ARSH: variants seen among roughly 807,000 people sequenced by gnomAD.
ARSH encodes the protein arylsulfatase family member H, also known as arylsulfatase H.
ARSH carries 32 observed loss-of-function variants against 28.7 expected under a neutral mutation model. The ratio of observed to expected loss-of-function variants is 1.11; its 90% confidence interval spans 0.84 to 1.50. The LOEUF (loss-of-function observed/expected upper bound fraction) is 1.50, where lower values mean the gene tolerates loss of function less well. Ranked by LOEUF, ARSH falls within the 40% of genes most tolerant of loss-of-function variation. The pLI is 0.00. For synonymous variants in ARSH, 176 were observed against 177.3 expected, an observed-to-expected ratio of 0.99 and a Z score of 0.06; for missense variants, 440 against 452.4, an observed-to-expected ratio of 0.97 and a Z score of 0.25.
intron 1 of ARSH, among the ~76,000 whole-genome samples, chrX:3,009,101 A>T (rs1271543540): frequency 3.6e-5 from 4 of 111,519 alleles, no homozygotes; most frequent in African/African-American, 9.8e-5. Flanking sequence ...ATATATATTA[A>T]TGGGAGGCTG....
intron 6 of ARSH, among the ~76,000 whole-genome samples, chrX:3,025,596 T>C (rs2089896936): frequency 9.2e-6 from 1 of 108,307 alleles, no homozygotes; most frequent in African/African-American, 3.3e-5. Flanking sequence ...TTGTGGATAC[T>C]GGATTATATA....
intron 5 of ARSH, among the ~76,000 whole-genome samples, chrX:3,019,043 T>C (rs1287235384): frequency 1.8e-5 from 2 of 111,139 alleles, no homozygotes; most frequent in Non-Finnish European, 3.8e-5. Context: ...GGCTGGCAGA[T>C]CACTTGAGGT....
In ARSH at chrX:3,032,860, G is replaced by T. The variant is rs1375543654; in HGVS notation, c.1322-158G>T. ...CAAGTTTGCAGTGAAATTGTGCATT[G>T]TTCTTAGAGTTGAAGAAATGCTACT... On this transcript the variant is annotated intron_variant, in intron 8 of 8. Coordinates refer to ENST00000381130, the MANE Select transcript of ARSH (RefSeq NM_001011719.2). Among the ~76,000 whole-genome samples, 2 of 112,098 alleles carry T rather than the reference G, an allele frequency of 1.8e-5. No homozygotes were observed. Among genetic ancestry groups the T allele is most frequent in the African/African-American group, 3.2e-5 (1 of 30,862 alleles).
At chrX:3,013,248 G>A (rs768667936) in intron 3 of ARSH, 76 bp downstream of exon 3, 104 of 1,106,730 alleles carry the variant, frequency 9.4e-5, no homozygotes, top group Non-Finnish European at 1.1e-4. Context: ...TGTTTCCGGG[G>A]ATGTTGGCTT....
At chrX:3,020,308 G>A (rs371130859) in intron 5 of ARSH, among the ~76,000 whole-genome samples, 2 of 91,776 alleles carry the variant, frequency 2.2e-5, no homozygotes, top group African/African-American at 9.0e-5. Context: ...AAAAAAAAGA[G>A]GCCGAGTGCG....
chrX:3,006,927 G>A (rs1235293858), intron 1 of ARSH, among the ~76,000 whole-genome samples: 1 of 110,817 alleles, frequency 9.0e-6, no homozygotes, highest in Non-Finnish European at 1.9e-5. Context: ...TTCATTGTTG[G>A]GCAAAATTTA....
At chrX:3,018,917 A>C (rs1240780965) in intron 5 of ARSH, among the ~76,000 whole-genome samples, 1 of 112,042 alleles carries the variant, frequency 8.9e-6, no homozygotes, top group Non-Finnish European at 1.9e-5. Context: ...AAAGACAGCC[A>C]CTTTTCTGAA....
intron 1 of ARSH, among the ~76,000 whole-genome samples, 156 bp from the exon 2 acceptor site, chrX:3,009,874 A>C (rs996602950): frequency 1.8e-5 from 2 of 112,184 alleles, no homozygotes; most frequent in African/African-American, 6.5e-5. Context: ...CCATCAATGC[A>C]TATAAGGAAA....
intron 8 of ARSH, among the ~76,000 whole-genome samples, chrX:3,029,765 A>T (rs182461871): frequency 1.2e-3 from 129 of 111,370 alleles, no homozygotes; most frequent in Non-Finnish European, 1.8e-3. Context: ...TCCTGACCTC[A>T]GGCGATCTGC....
At chrX:3,026,641 C>T (rs1463233335) in intron 6 of ARSH, among the ~76,000 whole-genome samples, 1 of 111,571 alleles carries the variant, frequency 9.0e-6, no homozygotes, top group African/African-American at 3.3e-5. Flanking sequence ...ATTGATCTTA[C>T]GGCAAGGGCT....
intron 3 of ARSH, among the ~76,000 whole-genome samples, chrX:3,014,372 T>G (rs2147454480): frequency 8.9e-6 from 1 of 111,783 alleles, no homozygotes; most frequent in East Asian, 2.8e-4. Context: ...CCTGGCCCCC[T>G]AGAGTATGTG....
chrX:3,016,640 C>T (rs1338854637), intron 4 of ARSH, among the ~76,000 whole-genome samples: 1 of 111,355 alleles, frequency 9.0e-6, no homozygotes, highest in East Asian at 2.8e-4. Flanking sequence ...TGCAGTGGTG[C>T]AATCATAGTT....
At chrX:3,018,463 A>G (rs183472273) in intron 4 of ARSH, 71 bp from the exon 5 acceptor site, 53 of 1,097,156 alleles carry the variant, frequency 4.8e-5, no homozygotes, top group African/African-American at 4.2e-4. Flanking sequence ...TCATCAGTGC[A>G]GAATCGCATT....
intron 4 of ARSH, 74 bp from the exon 5 acceptor site, chrX:3,018,460 T>C: frequency 3.7e-6 from 4 of 1,087,913 alleles, no homozygotes; most frequent in Non-Finnish European, 5.0e-6. Context: ...TTTTCATCAG[T>C]GCAGAATCGC....
At chrX:3,029,931 A>T (rs58829600) in intron 8 of ARSH, among the ~76,000 whole-genome samples, 157 of 111,804 alleles carry the variant, frequency 1.4e-3, no homozygotes, top group African/African-American at 4.9e-3. Context: ...ACAAGATCTT[A>T]CTATGTGGCC....
intron 4 of ARSH, among the ~76,000 whole-genome samples, chrX:3,017,837 T>C (rs1281815353): frequency 8.9e-6 from 1 of 111,992 alleles, no homozygotes; most frequent in East Asian, 2.8e-4. Context: ...CCTTAAGATA[T>C]GATTCTTCTG....
chrX:3,024,153 A>G lies in ARSH; in HGVS notation c.1034A>G (p.Lys345Arg). The change falls in exon 6 of 9, where the codon AAA becomes AGA. Residue 345 changes from lysine (K) to arginine (R), a missense_variant and splice_region_variant. Lys to Arg is a conservative substitution (Grantham distance 26). Transcript: ENST00000381130. ...CTGGGTGGCTGGAACGGGATCTACA[A>G]AGGTGATTGTGTGTAGAGAACCAAC... ...VQLGGWNGIYKGGKGMGGWEG... is the reference protein window; with the variant it reads ...VQLGGWNGIYRGGKGMGGWEG... 8.5e-7 allele frequency: 1 copy of G among 1,183,374 alleles called. No individual in the cohort carries two copies. The highest frequency in any genetic ancestry group is 1.1e-6 in the Non-Finnish European group (1 of 883,270).
chrX:3,027,466 C>CCATACCT lies in ARSH; in HGVS notation c.1191_1192insATACCTC (p.Gln398IlefsTer8), dbSNP rs1569125517. ...TCTTATATAGGCGGAGGGATCTTGTCCCAGGACAGGTATGGAAACAGTGTT... is the reference window on the plus strand; with the variant it reads ...TCTTATATAGGCGGAGGGATCTTGTCCATACCTCCAGGACAGGTATGGAAACAGTGTT... On this transcript the variant is annotated frameshift_variant, in exon 7 of 9. Coordinates refer to ENST00000381130, the MANE Select transcript of ARSH (RefSeq NM_001011719.2). LOFTEE classifies it high-confidence loss of function. 4 of 1,209,869 alleles carry CCATACCT rather than the reference C, an allele frequency of 3.3e-6. No homozygotes were observed. Among genetic ancestry groups the CCATACCT allele is most frequent in the Non-Finnish European group, 4.5e-6 (4 of 894,621 alleles).
chrX:3,028,340 A>G (rs964574498), intron 7 of ARSH, among the ~76,000 whole-genome samples: 11 of 109,011 alleles, frequency 1.0e-4, no homozygotes, highest in African/African-American at 3.7e-4. Flanking sequence ...CCTCCTGAGT[A>G]GCTGGGACTA....
Sources: allele counts gnomAD v4.1 joint callset (sites outside exome capture counted in the v4.1 genomes callset), GRCh38; gene constraint gnomAD v4.1.1; transcripts MANE v1.5; gene names NCBI Gene and HGNC (gene_info 2026-07-23, HGNC 2026-07-21).